The following MARCHF7 variants were observed in gnomAD, a reference collection of about 807,000 sequenced individuals.
MARCHF7 encodes the protein membrane associated ring-CH-type finger 7.
MARCHF7 carries 20 observed loss-of-function variants against 76.5 expected under a neutral mutation model. That is an observed-to-expected ratio of 0.26 (90% CI 0.18 to 0.38). The LOEUF (loss-of-function observed/expected upper bound fraction) is 0.38, where lower values mean the gene tolerates loss of function less well. MARCHF7 is among the 10% of genes least tolerant of loss of function. The probability of loss-of-function intolerance (pLI) is 1.00; values close to 1 mark genes in which losing one functional copy is unlikely to be tolerated. For missense variants in MARCHF7, 797 were observed against 812.9 expected, an observed-to-expected ratio of 0.98 and a Z score of 0.24; for synonymous variants, 295 against 293.0, an observed-to-expected ratio of 1.01 and a Z score of -0.07.
intron 4 of MARCHF7, among the ~76,000 whole-genome samples, chr2:159,735,923 T>TACAAG (rs1381766434): frequency 2.0e-5 from 3 of 151,900 alleles, no homozygotes; most frequent in African/African-American, 7.3e-5. Flanking sequence ...AGGCCAGGAG[T>TACAAG]ACAAGACCAG....
intron 4 of MARCHF7, chr2:159,733,944 A>G (rs2125450672): frequency 8.0e-7 from 1 of 1,257,084 alleles, no homozygotes; most frequent in Non-Finnish European, 1.0e-6. Flanking sequence ...GATTTCCTAA[A>G]TATCTTTCAG....
intron 9 of MARCHF7, among the ~76,000 whole-genome samples, chr2:159,761,690 G>C (rs1320647137): frequency 6.6e-6 from 1 of 152,028 alleles, no homozygotes; most frequent in African/African-American, 2.4e-5. Context: ...GGGATTATAG[G>C]CGTGAGCCAC....
In MARCHF7 at chr2:159,735,685, A is replaced by G. The variant is rs373389494; in HGVS notation, c.153+6510A>G. Among the ~76,000 whole-genome samples the G allele has an allele frequency of 5.9e-5, 9 of 152,210 alleles. No individual in the cohort carries two copies. The South Asian group carries it at 1.9e-3, about 32-fold the overall frequency. ...TTATTCTTTTTTGTGGCTGAATACT[A>G]TTTCATTGTATGGATATGCCATATT... On this transcript the variant is annotated intron_variant, in intron 4 of 11. Transcript: ENST00000409175.
At position 159,748,604 on chromosome 2, in the gene MARCHF7, T is replaced by C; in HGVS notation, c.1314T>C (p.Asn438=). ...SNEVVHLEAQ[N]DPLGAAANRP... is the part of the protein sequence containing the mutation. ...AAGTGGTTCACCTTGAAGCACAGAA[T>C]GATCCTCTTGGAGCTGCTGCCAACA... Residue 438 remains asparagine, a synonymous_variant, in exon 7 of 12, where the codon AAT becomes AAC. Coordinates refer to ENST00000409175, the MANE Select transcript of MARCHF7 (RefSeq NM_001282805.2). The C allele has an allele frequency of 1.2e-6, 2 of 1,614,228 alleles. No homozygotes were observed. The highest frequency in any genetic ancestry group is 1.7e-6 in the Non-Finnish European group (2 of 1,180,036).
Position 159,752,464 on chromosome 2 carries a change from C to T in MARCHF7, c.1676C>T (p.Ala559Val), listed in dbSNP as rs752207962. ...GDLCRICQMA[A>V]ASSSNLLIEP... ...TTATGTAGAATTTGTCAAATGGCAG[C>T]TGCATCATCATCTAATTTGCTGATA... The change falls in exon 8 of 12, where the codon GCT (alanine) becomes GTT (valine). Residue 559 changes from alanine (A) to valine (V), a missense_variant. By Grantham distance (64) the Ala-to-Val change is moderately conservative. Around this residue, in one of 3 missense-constraint regions of MARCHF7, gnomAD observed 30 missense variants for 60.1 expected, o/e 0.50. Transcript: ENST00000409175. 6.2e-7 allele frequency: 1 copy of T among 1,605,458 alleles called. No individual in the cohort carries two copies. The highest frequency in any genetic ancestry group is 1.1e-5 in the South Asian group (1 of 89,382).
At position 159,767,504 on chromosome 2, in the gene MARCHF7, C is replaced by G. The variant is rs1049251705; in HGVS notation, c.*162C>G. 6 of 459,590 alleles carry G rather than the reference C, an allele frequency of 1.3e-5. No individual in the cohort carries two copies. Among genetic ancestry groups the G allele is most frequent in the Non-Finnish European group, 2.3e-5 (6 of 262,434 alleles). 28.5% of individuals were successfully genotyped at this position (459,590 alleles called of 1,614,324 possible). A position where few individuals can be genotyped will look rare whatever the true frequency, so the allele number is the denominator to read the frequency against. ...ATGCCTGTATATATATATTCATTCT[C>G]CAGTGTTGCTGAATTAAAATTCTGC... On this transcript the variant is annotated 3_prime_UTR_variant, in exon 12 of 12. Coordinates refer to ENST00000409175, the MANE Select transcript of MARCHF7 (RefSeq NM_001282805.2).
At chr2:159,720,259 C>T (rs1360460948) in intron 3 of MARCHF7, among the ~76,000 whole-genome samples, 3 of 152,160 alleles carry the variant, frequency 2.0e-5, no homozygotes, top group Admixed American at 6.5e-5. Flanking sequence ...CTCATGACCT[C>T]GTGATCCTCC....
At chr2:159,723,361 G>C (rs1701834164) in intron 3 of MARCHF7, among the ~76,000 whole-genome samples, 1 of 152,168 alleles carries the variant, frequency 6.6e-6, no homozygotes, top group Non-Finnish European at 1.5e-5. Context: ...GACAGCGTAG[G>C]TACTATTAAT....
intron 8 of MARCHF7, among the ~76,000 whole-genome samples, chr2:159,758,641 T>A (rs571236831): frequency 6.6e-6 from 1 of 152,364 alleles, no homozygotes; most frequent in South Asian, 2.1e-4. Flanking sequence ...ATAATGTTTT[T>A]AAAGTTCATG....
At chr2:159,716,933 C>CT (rs1373221028) in intron 3 of MARCHF7, among the ~76,000 whole-genome samples, 2 of 152,226 alleles carry the variant, frequency 1.3e-5, no homozygotes, top group East Asian at 3.8e-4. Flanking sequence ...CAACTGTTCA[C>CT]TGTTTTTTAC....
intron 3 of MARCHF7, among the ~76,000 whole-genome samples, chr2:159,728,110 A>T (rs1009418630): frequency 6.6e-6 from 1 of 152,202 alleles, no homozygotes; most frequent in Non-Finnish European, 1.5e-5. Context: ...TTTGAGAAAC[A>T]CTTTATTAGC....
intron 3 of MARCHF7, among the ~76,000 whole-genome samples, chr2:159,722,881 A>G (rs536164116): frequency 6.6e-6 from 1 of 152,294 alleles, no homozygotes; most frequent in South Asian, 2.1e-4. Context: ...GCCTTCTCCC[A>G]AGGAGGTTTG....
intron 1 of MARCHF7, among the ~76,000 whole-genome samples, chr2:159,712,960 G>A (rs1255478028): frequency 6.6e-6 from 1 of 152,180 alleles, no homozygotes; most frequent in African/African-American, 2.4e-5. Context: ...CTTTGGCGCG[G>A]GGCGGCCTCC....
chr2:159,738,654 A>T (rs1283916535), intron 4 of MARCHF7, among the ~76,000 whole-genome samples: 2 of 152,188 alleles, frequency 1.3e-5, no homozygotes, highest in Non-Finnish European at 2.9e-5. Context: ...TCAGCCTGAC[A>T]TCTGGCTGAG....
intron 3 of MARCHF7, among the ~76,000 whole-genome samples, chr2:159,717,949 A>G (rs1300843394): frequency 1.3e-5 from 2 of 152,198 alleles, no homozygotes; most frequent in African/African-American, 4.8e-5. Context: ...AAGATGTTTT[A>G]CTATGTGTTA....
At chr2:159,766,423 G>T (rs1707764036) in intron 11 of MARCHF7, among the ~76,000 whole-genome samples, 1 of 152,036 alleles carries the variant, frequency 6.6e-6, no homozygotes, top group Non-Finnish European at 1.5e-5. Flanking sequence ...CTCTTAATTT[G>T]TCCAATGTAA....
At chr2:159,720,962 A>T (rs924489113) in intron 3 of MARCHF7, among the ~76,000 whole-genome samples, 1 of 151,754 alleles carries the variant, frequency 6.6e-6, no homozygotes, top group Non-Finnish European at 1.5e-5. Context: ...GATTCAAGCA[A>T]TTCTCCTGCC....
At chr2:159,741,354 A>C (rs2125531836) in intron 4 of MARCHF7, among the ~76,000 whole-genome samples, 1 of 152,352 alleles carries the variant, frequency 6.6e-6, no homozygotes, top group African/African-American at 2.4e-5. Context: ...CTGTCTCAAA[A>C]AAAAACAACA....
chr2:159,724,688 GAATT>G (rs1165016544), intron 3 of MARCHF7, among the ~76,000 whole-genome samples: 3 of 152,004 alleles, frequency 2.0e-5, no homozygotes, highest in South Asian at 2.1e-4. Context: ...TTTTATGAAT[GAATT>G]TTTTTTATAC....
Sources: gnomAD v4.1 joint callset for allele counts (sites outside exome capture counted in the v4.1 genomes callset) on GRCh38, gnomAD v4.1.1 for gene constraint, gnomAD v4.1.1 regional missense constraint, MANE v1.5 for transcripts, NCBI Gene and HGNC (gene_info 2026-07-23, HGNC 2026-07-21) for gene names.